The following CLSTN2 variants were observed in gnomAD, a reference collection of about 807,000 sequenced individuals.
CLSTN2 encodes the protein calsyntenin 2.
CLSTN2 carries 48 observed loss-of-function variants against 101.2 expected under a neutral mutation model. That is an observed-to-expected ratio of 0.47 (90% CI 0.38 to 0.60). CLSTN2 has a LOEUF of 0.60. CLSTN2 is among the 20% of genes least tolerant of loss of function. CLSTN2 has a pLI of 0.00. For missense variants in CLSTN2, 1,160 were observed against 1,238.2 expected, an observed-to-expected ratio of 0.94 and a Z score of 0.95; for synonymous variants, 481 against 463.6, an observed-to-expected ratio of 1.04 and a Z score of -0.48.
chr3:140,427,277 A>G (rs976071157), intron 5 of CLSTN2, among the ~76,000 whole-genome samples: 1 of 147,954 alleles, frequency 6.8e-6, no homozygotes, highest in Non-Finnish European at 1.5e-5. Context: ...AAAAATAAAG[A>G]GAGAACAGGT....
rs777391474 is a variant in CLSTN2, at chr3:140,563,173, G to C, written c.2452G>C (p.Glu818Gln). 8 of 1,613,924 alleles carry C rather than the reference G, an allele frequency of 5.0e-6. No homozygotes were observed. The Admixed American group carries it at 8.3e-5, about 17-fold the overall frequency. Residue 818 changes from glutamate to glutamine, a missense_variant, in exon 15 of 17, where the codon GAG becomes CAG. Coordinates refer to ENST00000458420, the MANE Select transcript of CLSTN2 (RefSeq NM_022131.3). ...CTTCCTCCAGTCTGTCCATCATCCTGAGTCCCGGAGTAGCATCCAGCACAG... is the reference window on the plus strand; with the variant it reads ...CTTCCTCCAGTCTGTCCATCATCCTCAGTCCCGGAGTAGCATCCAGCACAG... ...PPFLQSVHHP[E>Q]SRSSIQHSSV...
chr3:140,311,142 A>C (rs545599789), intron 2 of CLSTN2, among the ~76,000 whole-genome samples: 1 of 152,244 alleles, frequency 6.6e-6, no homozygotes, highest in Non-Finnish European at 1.5e-5. Flanking sequence ...GTAAGAGGCT[A>C]CTTACTGAAT....
chr3:140,229,366 A>T (rs1461951579), intron 2 of CLSTN2, among the ~76,000 whole-genome samples: 1 of 152,190 alleles, frequency 6.6e-6, no homozygotes, highest in Non-Finnish European at 1.5e-5. Flanking sequence ...GGAACAGTCC[A>T]CTGTTCCACT....
intron 9 of CLSTN2, among the ~76,000 whole-genome samples, chr3:140,543,814 A>T (rs1353438132): frequency 6.6e-6 from 1 of 152,230 alleles, no homozygotes; most frequent in Non-Finnish European, 1.5e-5. Context: ...TTATTTCATG[A>T]TACTGGCCTC....
intron 9 of CLSTN2, among the ~76,000 whole-genome samples, chr3:140,536,811 AT>A (rs1182125771): frequency 4.6e-5 from 7 of 152,204 alleles, no homozygotes; most frequent in African/African-American, 1.7e-4. Flanking sequence ...GCATCCGTGT[AT>A]TCAGGGTTCC....
chr3:140,057,108 G>T (rs112092931), intron 1 of CLSTN2, among the ~76,000 whole-genome samples: 5 of 152,232 alleles, frequency 3.3e-5, no homozygotes, highest in African/African-American at 1.2e-4. Flanking sequence ...CATGAAGCAA[G>T]TGTCATTATG....
chr3:140,352,832 G>C (rs1328770652), intron 2 of CLSTN2, among the ~76,000 whole-genome samples: 1 of 152,062 alleles, frequency 6.6e-6, no homozygotes, highest in Non-Finnish European at 1.5e-5. Flanking sequence ...CTCCAGTCAG[G>C]CTACATCTTT....
chr3:140,188,179 A>G (rs1193671544), intron 2 of CLSTN2, among the ~76,000 whole-genome samples: 2 of 152,190 alleles, frequency 1.3e-5, no homozygotes, highest in African/African-American at 4.8e-5. Context: ...AGATTGTTAC[A>G]TTACATGCTT....
chr3:140,416,785 C>A (rs1246197880), intron 4 of CLSTN2, among the ~76,000 whole-genome samples: 2 of 152,226 alleles, frequency 1.3e-5, no homozygotes, highest in Admixed American at 1.3e-4. Context: ...GCGGTAGGCT[C>A]TCAACGACAC....
chr3:140,180,829 C>T (rs1270166414), intron 2 of CLSTN2, among the ~76,000 whole-genome samples: 1 of 152,182 alleles, frequency 6.6e-6, no homozygotes, highest in Non-Finnish European at 1.5e-5. Flanking sequence ...TAGCTGGTTA[C>T]AGTGCTGGTT....
At chr3:140,029,348 A>C (rs1168968593) in intron 1 of CLSTN2, among the ~76,000 whole-genome samples, 1 of 151,980 alleles carries the variant, frequency 6.6e-6, no homozygotes, top group African/African-American at 2.4e-5. Context: ...AAAAATAATG[A>C]GTTTTGTGAC....
intron 8 of CLSTN2, among the ~76,000 whole-genome samples, chr3:140,503,828 C>T (rs1047578099): frequency 6.6e-6 from 1 of 152,168 alleles, no homozygotes; most frequent in Non-Finnish European, 1.5e-5. Context: ...GAAGTTTACC[C>T]TCACATGAGG....
At chr3:139,941,915 A>G (rs1935138302) in intron 1 of CLSTN2, among the ~76,000 whole-genome samples, 1 of 152,196 alleles carries the variant, frequency 6.6e-6, no homozygotes, top group Non-Finnish European at 1.5e-5. Context: ...TACCAACCCT[A>G]TGAAGGAGGT....
In CLSTN2 at chr3:140,226,854, C is replaced by A. The variant is rs183304390; in HGVS notation, c.232+50781C>A. Among the ~76,000 whole-genome samples the A allele has an allele frequency of 6.6e-3, 1,002 of 152,104 alleles. 6 individuals are homozygous for A. The highest frequency in any genetic ancestry group is 0.01 in the Non-Finnish European group (700 of 67,982). On this transcript the variant is annotated intron_variant, in intron 2 of 16. Transcript: ENST00000458420. ...AAGGGAGAGTTTGTGCAAAAAAAAACTCCCATTTTTAAAACCATCAGATTT... is the reference window on the plus strand; with the variant it reads ...AAGGGAGAGTTTGTGCAAAAAAAAAATCCCATTTTTAAAACCATCAGATTT...
At chr3:140,422,921 TAAG>T (rs571657373) in intron 5 of CLSTN2, among the ~76,000 whole-genome samples, 132 of 152,330 alleles carry the variant, frequency 8.7e-4, no homozygotes, top group Non-Finnish European at 1.3e-3. Context: ...GTATATGAGT[TAAG>T]AAGAACTCAC....
At chr3:140,364,278 C>T (rs1010911213) in intron 2 of CLSTN2, among the ~76,000 whole-genome samples, 1 of 152,080 alleles carries the variant, frequency 6.6e-6, no homozygotes, top group Non-Finnish European at 1.5e-5. Flanking sequence ...ATGGTGCTGG[C>T]CCTTCTCCTT....
intron 2 of CLSTN2, among the ~76,000 whole-genome samples, chr3:140,211,544 T>TGA (rs1475077842): frequency 2.0e-5 from 3 of 150,308 alleles, no homozygotes; most frequent in Admixed American, 2.0e-4. Context: ...TGTGTGTGTG[T>TGA]GTGTGTGTGT....
intron 2 of CLSTN2, among the ~76,000 whole-genome samples, chr3:140,331,113 T>G (rs117655129): frequency 0.026 from 3,900 of 152,228 alleles, 92 homozygotes; most frequent in South Asian, 0.092. Flanking sequence ...CAGCCCTCAG[T>G]CTGAGGCTGA....
intron 2 of CLSTN2, among the ~76,000 whole-genome samples, chr3:140,241,201 T>C (rs531987625): frequency 2.4e-4 from 37 of 152,342 alleles, no homozygotes; most frequent in African/African-American, 8.7e-4. Flanking sequence ...AAATTGTGCC[T>C]ACCCATCCCT....
Sources: gnomAD v4.1 joint callset for allele counts (sites outside exome capture counted in the v4.1 genomes callset) on GRCh38, gnomAD v4.1.1 for gene constraint, MANE v1.5 for transcripts, NCBI Gene and HGNC (gene_info 2026-07-23, HGNC 2026-07-21) for gene names.